The following LHX2 variants were observed in gnomAD, a reference collection of about 807,000 sequenced individuals.
LHX2 encodes LIM/homeobox protein Lhx2.
LHX2 carries 6 observed loss-of-function variants against 33.0 expected under a neutral mutation model. That is an observed-to-expected ratio of 0.18 (90% CI 0.10 to 0.36). The LOEUF is 0.36. Among genes scored for constraint, LHX2 ranks in the 10% least tolerant of loss-of-function variants. The pLI is 1.00. For missense variants in LHX2, 442 were observed against 586.2 expected (o/e 0.75, Z 2.54); for synonymous variants, 292 against 253.1 (o/e 1.15, Z -1.46).
At chr9:124,020,732 T>C (rs907241270) in intron 3 of LHX2, among the ~76,000 whole-genome samples, 6 of 152,232 alleles carry the variant, frequency 3.9e-5, no homozygotes, top group Admixed American at 1.3e-4. Context: ...AAAATGTGCC[T>C]GGAAAGCCCT....
chr9:124,019,350 G>A (rs982632334), intron 3 of LHX2, among the ~76,000 whole-genome samples: 1 of 152,224 alleles, frequency 6.6e-6, no homozygotes, highest in African/African-American at 2.4e-5. Context: ...GTCACCAGCA[G>A]AGTAAAAGTC....
At chr9:124,022,193 A>T (rs993309824) in intron 4 of LHX2, among the ~76,000 whole-genome samples, 2 of 152,168 alleles carry the variant, frequency 1.3e-5, no homozygotes, top group African/African-American at 4.8e-5. Context: ...TAGGCAAGTC[A>T]CTTGACTTTT....
chr9:124,018,606 G>A (rs1305535623), intron 3 of LHX2, among the ~76,000 whole-genome samples: 1 of 151,954 alleles, frequency 6.6e-6, no homozygotes, highest in Non-Finnish European at 1.5e-5. Context: ...CCGGAGCCCC[G>A]GGATTCAGCT....
Position 124,012,280 on chromosome 9 carries a change from G to A in LHX2, c.-69G>A. 7.2e-7 allele frequency: 1 copy of A among 1,391,936 alleles called. No individual in the cohort carries two copies. The highest frequency in any genetic ancestry group is 9.3e-7 in the Non-Finnish European group (1 of 1,076,108). The allele number at this position is 1,391,936 out of a possible 1,614,324, so 86.2% of individuals were successfully genotyped here. On this transcript the variant is annotated 5_prime_UTR_variant, in exon 1 of 5. Coordinates refer to ENST00000373615, the MANE Select transcript of LHX2 (RefSeq NM_004789.4). This position sits in a 1 kb window ranked among gnomAD's most constrained non-coding sequence, Gnocchi z 4.3. ...GGGCCCGTTAGCGCCAGGAGCGCCA[G>A]GCAGCTGAGGCGGGGGGCAAGCCCT...
intron 3 of LHX2, among the ~76,000 whole-genome samples, chr9:124,017,831 G>A (rs1859218605): frequency 6.6e-6 from 1 of 152,056 alleles, no homozygotes; most frequent in Non-Finnish European, 1.5e-5. Context: ...GGGCCGCAGC[G>A]GCCTCTTCCC....
chr9:124,032,581 C>G lies in LHX2; in HGVS notation c.1095C>G (p.Thr365=). 6.2e-7 allele frequency: 1 copy of G among 1,614,190 alleles called. No individual in the cohort carries two copies. The highest frequency in any genetic ancestry group is 8.5e-7 in the Non-Finnish European group (1 of 1,180,036). Residue 365 remains threonine (T), a synonymous_variant, in exon 5 of 5, where the codon ACC becomes ACG. Coordinates refer to ENST00000373615, the MANE Select transcript of LHX2 (RefSeq NM_004789.4). The surrounding 1 kb of genome is among the most constrained non-coding windows in gnomAD (Gnocchi z 4.1). ...NASLSPSSTP[T]TLTDLTSPTL... ...CGCTCAGCCCCTCCAGCACGCCCAC[C>G]ACCCTGACAGACTTGACTAGCCCCA...
chr9:124,017,817 G>A (rs1443082424), intron 3 of LHX2, among the ~76,000 whole-genome samples: 1 of 152,104 alleles, frequency 6.6e-6, no homozygotes, highest in Non-Finnish European at 1.5e-5. Flanking sequence ...GTCCTTCCGG[G>A]GCGGGGCCGC....
rs890019419 is a variant in LHX2 at position 124,033,196 on chromosome 9, C to G, written c.*489C>G. The G allele has an allele frequency of 1.3e-5, 2 of 151,152 alleles. No homozygotes were observed. Among genetic ancestry groups the G allele is most frequent in the Non-Finnish European group, 2.9e-5 (2 of 67,882 alleles). 9.4% of individuals were successfully genotyped at this position (151,152 alleles called of 1,614,324 possible). On this transcript the variant is annotated 3_prime_UTR_variant, in exon 5 of 5. Transcript: ENST00000373615. ...GAAAAAAAAAAAAGGAAAAATCAAA[C>G]CCCCTCCAACGGTCGCTTTGTTGTT...
At position 124,032,364 on chromosome 9, in the gene LHX2, G is replaced by GC. The variant is rs143803976; in HGVS notation, c.934-56_934-55insC. On this transcript the variant is annotated intron_variant, in intron 4 of 4. Coordinates refer to ENST00000373615, the MANE Select transcript of LHX2 (RefSeq NM_004789.4). This position sits in a 1 kb window ranked among gnomAD's most constrained non-coding sequence, Gnocchi z 4.1. ...CAGCAGAGCTCTGAGTGAAGCAGTC[G>GC]GGGGGATGCTCTGCCTGCCTTCCGC... 26 of 1,462,078 alleles carry GC rather than the reference G, an allele frequency of 1.8e-5. No homozygotes were observed. In the African/African-American group the frequency reaches 1.8e-4, roughly 10 times the overall value. 90.6% of individuals were successfully genotyped at this position (1,462,078 alleles called of 1,614,324 possible). A position where few individuals can be genotyped will look rare whatever the true frequency, so the allele number is the denominator to read the frequency against.
At chr9:124,026,678 T>C (rs1828630031) in intron 4 of LHX2, among the ~76,000 whole-genome samples, 1 of 152,242 alleles carries the variant, frequency 6.6e-6, no homozygotes, top group South Asian at 2.1e-4. Context: ...ATACAGGCAC[T>C]GAGAAATCTG....
At chr9:124,028,709 C>T (rs373259202) in intron 4 of LHX2, among the ~76,000 whole-genome samples, 10 of 152,290 alleles carry the variant, frequency 6.6e-5, no homozygotes, top group African/African-American at 2.4e-4. Flanking sequence ...GCAGGGAGAG[C>T]ATGGACTCTT....
At chr9:124,018,970 G>C (rs1640219756) in intron 3 of LHX2, among the ~76,000 whole-genome samples, 1 of 152,232 alleles carries the variant, frequency 6.6e-6, no homozygotes, top group African/African-American at 2.4e-5. Context: ...CAGCAGCCAG[G>C]CCCAGGCGGG....
rs1859140890 is a variant in LHX2 at position 124,014,050 on chromosome 9, C to T, written c.210C>T (p.Asp70=). 1 of 1,613,654 alleles carries T rather than the reference C, an allele frequency of 6.2e-7. No individual in the cohort carries two copies. Residue 70 remains aspartate, a synonymous_variant, in exon 2 of 5, where the codon GAC becomes GAT. Transcript: ENST00000373615. The surrounding 1 kb of genome is among the most constrained non-coding windows in gnomAD (Gnocchi z 4.8). ...ISDRYYLLAV[D]KQWHMRCLKC... ...ACCGCTACTACCTGCTGGCGGTGGACAAGCAGTGGCACATGCGCTGCCTCA... is the reference window on the plus strand; with the variant it reads ...ACCGCTACTACCTGCTGGCGGTGGATAAGCAGTGGCACATGCGCTGCCTCA...
chr9:124,027,681 G>A (rs1828647579), intron 4 of LHX2, among the ~76,000 whole-genome samples: 1 of 152,144 alleles, frequency 6.6e-6, no homozygotes, highest in Non-Finnish European at 1.5e-5. Flanking sequence ...AGCCGGGCAT[G>A]GTGCCACATG....
At chr9:124,013,258 G>A (rs1174178715) in intron 1 of LHX2, among the ~76,000 whole-genome samples, 1 of 152,268 alleles carries the variant, frequency 6.6e-6, no homozygotes. Flanking sequence ...AGCGGCGCCA[G>A]TGTCCTCCCG....
At chr9:124,025,109 G>A (rs1828590375) in intron 4 of LHX2, among the ~76,000 whole-genome samples, 1 of 152,216 alleles carries the variant, frequency 6.6e-6, no homozygotes, top group South Asian at 2.1e-4. Context: ...AGGTGACTAG[G>A]AGACAGAATG....
Position 124,015,922 on chromosome 9 carries a change from G to C in LHX2, c.727+397G>C, listed in dbSNP as rs747091548. Among the ~76,000 whole-genome samples the C allele has an allele frequency of 1.2e-4, 19 of 152,252 alleles. No individual in the cohort carries two copies. The highest frequency in any genetic ancestry group is 2.2e-4 in the Non-Finnish European group (15 of 68,044). ...ACTGGGGCAGCGAAGGAACGAGGCAGGGCGGCGAGGGTCCCAAGAGAAAGG... is the reference window on the plus strand; with the variant it reads ...ACTGGGGCAGCGAAGGAACGAGGCACGGCGGCGAGGGTCCCAAGAGAAAGG... On this transcript the variant is annotated intron_variant, in intron 3 of 4. Coordinates refer to ENST00000373615, the MANE Select transcript of LHX2 (RefSeq NM_004789.4). This position sits in a 1 kb window ranked among gnomAD's most constrained non-coding sequence, Gnocchi z 7.9.
intron 4 of LHX2, among the ~76,000 whole-genome samples, chr9:124,023,033 GCAGGTCCCTCT>G (rs760961760): frequency 6.6e-6 from 1 of 152,248 alleles, no homozygotes; most frequent in Non-Finnish European, 1.5e-5. Flanking sequence ...GGCTGGGGTA[GCAGGTCCCTCT>G]CGTCTGTTTC....
At chr9:124,017,546 C>G (rs906234351) in intron 3 of LHX2, among the ~76,000 whole-genome samples, 1 of 151,830 alleles carries the variant, frequency 6.6e-6, no homozygotes, top group South Asian at 2.1e-4. Flanking sequence ...CGATCGCGGA[C>G]GGGGTGTGCG....
Sources: gnomAD v4.1 joint callset for allele counts (sites outside exome capture counted in the v4.1 genomes callset) on GRCh38, gnomAD v4.1.1 for gene constraint, Gnocchi (gnomAD v3.1) non-coding constraint, MANE v1.5 for transcripts, NCBI Gene and HGNC (gene_info 2026-07-23, HGNC 2026-07-21) for gene names.